MOV10L1: variants seen among roughly 807,000 people sequenced by gnomAD.
MOV10L1 encodes Mov10 like RNA helicase 1.
In MOV10L1, 110 loss-of-function variants were observed where a neutral mutation model predicts 143.8. The ratio of observed to expected loss-of-function variants is 0.76; its 90% CI spans 0.66 to 0.90. The LOEUF is 0.90. MOV10L1 is among the 40% of genes least tolerant of loss of function. The pLI, the probability that MOV10L1 is intolerant of heterozygous loss-of-function variation, is 0.00. For synonymous variants in MOV10L1, 593 were observed against 581.1 expected, an observed-to-expected ratio of 1.02 and a Z score of -0.29; for missense variants, 1,406 against 1,526.8, an observed-to-expected ratio of 0.92 and a Z score of 1.32.
At chr22:50,114,279 T>A in intron 6 of MOV10L1, 102 bp from the exon 7 acceptor site, 1 of 1,361,184 alleles carries the variant, frequency 7.3e-7, no homozygotes, top group East Asian at 2.3e-5. Flanking sequence ...ATAAGTGTAT[T>A]TGCAGTCACC....
At chr22:50,124,653 C>T (rs2062442679) in intron 10 of MOV10L1, among the ~76,000 whole-genome samples, 1 of 152,334 alleles carries the variant, frequency 6.6e-6, no homozygotes, top group East Asian at 1.9e-4. Flanking sequence ...GGTCTGGCCC[C>T]TCAATGGGTT....
Position 50,152,089 on chromosome 22 carries a change from C to T in MOV10L1, c.2893-956C>T, listed in dbSNP as rs2063314822. ...TTTAGGCTTGACAGAGTCGGGAGGACTCACGGGGCCAATCATGGCGTTCTC... is the reference window on the plus strand; with the variant it reads ...TTTAGGCTTGACAGAGTCGGGAGGATTCACGGGGCCAATCATGGCGTTCTC... On this transcript the variant is annotated intron_variant, in intron 21 of 26. Coordinates refer to ENST00000262794, the MANE Select transcript of MOV10L1 (RefSeq NM_018995.3). This position sits in a 1 kb window ranked among gnomAD's most constrained non-coding sequence, Gnocchi z 4.4. 6.6e-6 allele frequency among the ~76,000 whole-genome samples: 1 copy of T among 152,226 alleles called. No individual in the cohort carries two copies. The highest frequency in any genetic ancestry group is 2.1e-4 in the South Asian group (1 of 4,832).
At chr22:50,133,165 C>T (rs1017232656) in intron 13 of MOV10L1, among the ~76,000 whole-genome samples, 3 of 152,166 alleles carry the variant, frequency 2.0e-5, no homozygotes, top group Admixed American at 6.5e-5. Flanking sequence ...GCAAGTGCTG[C>T]ACTGGCTTTG....
intron 2 of MOV10L1, chr22:50,095,839 A>G (rs1167713346): frequency 6.6e-6 from 1 of 152,072 alleles, no homozygotes; most frequent in Non-Finnish European, 1.5e-5. Context: ...TCTACTCACA[A>G]TCTTGCTTTT....
At chr22:50,146,463 G>T (rs1803065543) in intron 19 of MOV10L1, among the ~76,000 whole-genome samples, 1 of 152,092 alleles carries the variant, frequency 6.6e-6, no homozygotes, top group African/African-American at 2.4e-5. Context: ...TCAGACCCCA[G>T]TGCAGGGGGG....
intron 3 of MOV10L1, among the ~76,000 whole-genome samples, chr22:50,106,220 C>T (rs1334249170): frequency 6.6e-6 from 1 of 151,088 alleles, no homozygotes; most frequent in Admixed American, 6.6e-5. Context: ...TGCAGTGGCA[C>T]AATTGTAGCT....
intron 2 of MOV10L1, chr22:50,094,132 T>A (rs1267972702): frequency 6.6e-6 from 1 of 152,230 alleles, no homozygotes; most frequent in Non-Finnish European, 1.5e-5. Context: ...TTTCTCCCCC[T>A]CTGCCCAGAT....
chr22:50,104,517 C>T (rs1569274707), intron 3 of MOV10L1, among the ~76,000 whole-genome samples: 2 of 152,132 alleles, frequency 1.3e-5, no homozygotes, highest in South Asian at 2.1e-4. Flanking sequence ...GGTTTAGCCT[C>T]CAAACTGGTA....
chr22:50,155,521 GC>G (rs1669407190), intron 22 of MOV10L1, among the ~76,000 whole-genome samples: 1 of 152,108 alleles, frequency 6.6e-6, no homozygotes, highest in Admixed American at 6.5e-5. Flanking sequence ...TGTCACCCTG[GC>G]TGGAGTGCAG....
chr22:50,158,493 AT>A lies in MOV10L1; in HGVS notation c.3216+290del. On this transcript the variant is annotated intron_variant, in intron 23 of 26. Transcript: ENST00000262794. The surrounding 1 kb of genome is among the most constrained non-coding windows in gnomAD (Gnocchi z 5.0). ...TTGATATTTGGCCCTTTGGGAAAACATTTGCCAACCCCCAGCTCTAACCCAG... is the reference window on the plus strand; with the variant it reads ...TTGATATTTGGCCCTTTGGGAAAACATTGCCAACCCCCAGCTCTAACCCAG... 2.6e-6 allele frequency: 1 copy of A among 384,112 alleles called. No individual in the cohort carries two copies. The highest frequency in any genetic ancestry group is 4.7e-6 in the Non-Finnish European group (1 of 212,404). The allele number at this position is 384,112 out of a possible 1,614,324, so 23.8% of individuals were successfully genotyped here.
In MOV10L1 at chr22:50,159,625, G is replaced by T. The variant is rs1204134531; in HGVS notation, c.3217-53G>T. ...TCAAAAAAAAAAAAGGAAAAGAAAA[G>T]AAATGGATTTGTACAGTGTTATCTT... On this transcript the variant is annotated intron_variant, in intron 23 of 26. Transcript: ENST00000262794. This position sits in a 1 kb window ranked among gnomAD's most constrained non-coding sequence, Gnocchi z 4.1. The T allele has an allele frequency of 3.3e-5, 39 of 1,184,412 alleles. No homozygotes were observed. Among genetic ancestry groups the T allele is most frequent in the Non-Finnish European group, 4.7e-5 (39 of 827,830 alleles). 73.4% of individuals were successfully genotyped at this position (1,184,412 alleles called of 1,614,324 possible). A position where few individuals can be genotyped will look rare whatever the true frequency, so the allele number is the denominator to read the frequency against.
intron 20 of MOV10L1, among the ~76,000 whole-genome samples, 177 bp from the exon 21 acceptor site, chr22:50,150,558 G>A (rs867101157): frequency 1.3e-5 from 2 of 152,094 alleles, no homozygotes; most frequent in African/African-American, 2.4e-5. Flanking sequence ...AGGGGGAAGC[G>A]GGGAGAGACG....
chr22:50,090,654 C>A, intron 1 of MOV10L1: 1 of 1,056,144 alleles, frequency 9.5e-7, no homozygotes, highest in Non-Finnish European at 1.4e-6. Flanking sequence ...GATGCCCTCA[C>A]CGTTCCTTTC....
At chr22:50,114,267 T>G in intron 6 of MOV10L1, 114 bp from the exon 7 acceptor site, 1 of 1,261,538 alleles carries the variant, frequency 7.9e-7, no homozygotes, top group Non-Finnish European at 1.1e-6. Context: ...TGACTTATAT[T>G]CATAAGTGTA....
At chr22:50,150,358 G>T (rs1458324693) in intron 20 of MOV10L1, among the ~76,000 whole-genome samples, 1 of 152,216 alleles carries the variant, frequency 6.6e-6, no homozygotes, top group Non-Finnish European at 1.5e-5. Context: ...GGCCTGACCA[G>T]GTCAAGGCAA....
intron 26 of MOV10L1, 33 bp downstream of exon 26, chr22:50,161,088 G>A: frequency 6.3e-7 from 1 of 1,596,368 alleles, no homozygotes; most frequent in Non-Finnish European, 8.6e-7. Context: ...TCAAAGACAG[G>A]CTGGCTCTAG....
intron 3 of MOV10L1, among the ~76,000 whole-genome samples, chr22:50,101,414 A>T (rs1370057469): frequency 6.7e-6 from 1 of 149,434 alleles, no homozygotes; most frequent in East Asian, 2.0e-4. Flanking sequence ...ACGGGGTTTC[A>T]ATGTGTTAGC....
intron 15 of MOV10L1, among the ~76,000 whole-genome samples, chr22:50,137,384 A>C (rs2062848710): frequency 6.6e-6 from 1 of 152,234 alleles, no homozygotes; most frequent in African/African-American, 2.4e-5. Flanking sequence ...TATATTGGAC[A>C]GAATTATCAG....
At chr22:50,141,347 T>A (rs904877348) in intron 15 of MOV10L1, among the ~76,000 whole-genome samples, 4 of 151,536 alleles carry the variant, frequency 2.6e-5, no homozygotes, top group Admixed American at 1.3e-4. Flanking sequence ...TTTTTTTTTT[T>A]ATGAGTTTGG....
Sources: gnomAD v4.1 joint callset for allele counts (sites outside exome capture counted in the v4.1 genomes callset) on GRCh38, gnomAD v4.1.1 for gene constraint, Gnocchi (gnomAD v3.1) non-coding constraint, MANE v1.5 for transcripts, NCBI Gene and HGNC (gene_info 2026-07-23, HGNC 2026-07-21) for gene names.